Variants in SH3RF3 observed in about 807,000 individuals in gnomAD.
SH3RF3 encodes SH3 domain containing ring finger 3.
Under a neutral mutation model 66.3 loss-of-function variants are expected in SH3RF3, and 29 were observed. That is an observed-to-expected ratio of 0.44 (90% CI 0.33 to 0.60). SH3RF3 has a LOEUF of 0.60. Among genes scored for constraint, SH3RF3 ranks in the 20% least tolerant of loss-of-function variants. The probability of loss-of-function intolerance (pLI) is 0.04; values close to 1 mark genes in which losing one functional copy is unlikely to be tolerated. For synonymous variants in SH3RF3, 583 were observed against 532.0 expected (o/e 1.10, Z -1.32); for missense variants, 1,194 against 1,190.9 (o/e 1.00, Z -0.04).
rs746838034 is a variant in SH3RF3 at position 109,419,526 on chromosome 2, T to C, written c.1300-13T>C. ...CTGTCTCCTCACTCCTGTCCCCTCT[T>C]GTCTGTTTCCAGGATGTCTCCTCCT... is the stretch of plus-strand genomic sequence containing the variant. On this transcript the variant is annotated splice_polypyrimidine_tract_variant and intron_variant, in intron 4 of 9. Coordinates refer to ENST00000309415, the MANE Select transcript of SH3RF3 (RefSeq NM_001099289.3). 2.5e-6 allele frequency: 4 copies of C among 1,582,796 alleles called. 1 individual carries two copies. The South Asian group carries it at 4.6e-5, about 18-fold the overall frequency.
chr2:109,232,644 G>T (rs1286342165), intron 1 of SH3RF3, among the ~76,000 whole-genome samples: 1 of 152,162 alleles, frequency 6.6e-6, no homozygotes, highest in Admixed American at 6.5e-5. Context: ...CTGGAAAGGG[G>T]TGATTGATTA....
At chr2:109,252,467 T>C (rs998465896) in intron 1 of SH3RF3, among the ~76,000 whole-genome samples, 2 of 152,192 alleles carry the variant, frequency 1.3e-5, no homozygotes, top group Admixed American at 6.5e-5. Flanking sequence ...CAGTTTTAGC[T>C]TTATCATGGG....
chr2:109,421,493 G>A (rs1676877458), intron 5 of SH3RF3, among the ~76,000 whole-genome samples: 1 of 152,240 alleles, frequency 6.6e-6, no homozygotes, highest in Admixed American at 6.5e-5. Flanking sequence ...CCCCTCAAGA[G>A]TTGTGAATAT....
At chr2:109,367,119 ATTTTTTT>A (rs150005222) in intron 2 of SH3RF3, among the ~76,000 whole-genome samples, 4 of 113,290 alleles carry the variant, frequency 3.5e-5, no homozygotes, top group African/African-American at 1.0e-4. Flanking sequence ...TGCCCTGGTA[ATTTTTTT>A]TTTTTTTTTT....
In SH3RF3 at chr2:109,450,761, G is replaced by A. The variant is rs371128040; in HGVS notation, c.2148+1272G>A. 2.0e-5 allele frequency among the ~76,000 whole-genome samples: 3 copies of A among 152,202 alleles called. No homozygotes were observed. The East Asian group carries it at 5.8e-4, about 29-fold the overall frequency. ...CACTGCCTGAGGCTGTATCCCTAGGGCGTTGGGCTGGGTGCTGGGCAAGGA... is the reference window on the plus strand; with the variant it reads ...CACTGCCTGAGGCTGTATCCCTAGGACGTTGGGCTGGGTGCTGGGCAAGGA... On this transcript the variant is annotated intron_variant, in intron 8 of 9. Coordinates refer to ENST00000309415, the MANE Select transcript of SH3RF3 (RefSeq NM_001099289.3).
chr2:109,272,804 C>T (rs1223296538), intron 1 of SH3RF3, among the ~76,000 whole-genome samples: 3 of 152,174 alleles, frequency 2.0e-5, no homozygotes, highest in Non-Finnish European at 4.4e-5. Context: ...CCGGTACTGC[C>T]GCACACGCAG....
At chr2:109,138,985 A>G (rs7565363) in intron 1 of SH3RF3, among the ~76,000 whole-genome samples, 83,830 of 152,030 alleles carry the variant, frequency 0.55, 23,710 homozygotes, top group South Asian at 0.65. Flanking sequence ...AATAAGAGAC[A>G]TGAAGACAAG....
At chr2:109,478,127 G>C (rs914414224) in intron 8 of SH3RF3, among the ~76,000 whole-genome samples, 20 of 152,242 alleles carry the variant, frequency 1.3e-4, no homozygotes, top group African/African-American at 2.2e-4. Flanking sequence ...CAGCCGGAGA[G>C]GAGCTGCCTG....
chr2:109,140,737 C>T (rs192176502), intron 1 of SH3RF3, among the ~76,000 whole-genome samples: 77 of 152,252 alleles, frequency 5.1e-4, no homozygotes, highest in Non-Finnish European at 9.9e-4. Flanking sequence ...TGCAAAAGGC[C>T]TATGTGCTCT....
At chr2:109,497,679 C>T (rs1284449038) in intron 9 of SH3RF3, among the ~76,000 whole-genome samples, 1 of 152,186 alleles carries the variant, frequency 6.6e-6, no homozygotes, top group African/African-American at 2.4e-5. Context: ...AAGAACAGCT[C>T]AGAGTCTTGG....
intron 1 of SH3RF3, among the ~76,000 whole-genome samples, chr2:109,228,111 ATC>A (rs1271819458): frequency 6.6e-6 from 1 of 152,092 alleles, no homozygotes; most frequent in Non-Finnish European, 1.5e-5. Context: ...CATACAGGCA[ATC>A]TCTAATGGCT....
chr2:109,300,498 C>G (rs765533318), intron 1 of SH3RF3, among the ~76,000 whole-genome samples: 2 of 152,092 alleles, frequency 1.3e-5, no homozygotes, highest in African/African-American at 2.4e-5. Context: ...AGTTTTTATA[C>G]CAGGTAAGCC....
At chr2:109,418,170 T>A (rs1676774730) in intron 4 of SH3RF3, among the ~76,000 whole-genome samples, 1 of 152,092 alleles carries the variant, frequency 6.6e-6, no homozygotes. Context: ...TGCTCCAGTT[T>A]CTGCTGGGAC....
At chr2:109,146,663 TG>T (rs749972042) in intron 1 of SH3RF3, among the ~76,000 whole-genome samples, 3 of 152,272 alleles carry the variant, frequency 2.0e-5, no homozygotes, top group Admixed American at 1.3e-4. Context: ...GAGGCTGCTT[TG>T]GTCCCCAAAG....
chr2:109,272,552 T>C (rs1680651119), intron 1 of SH3RF3, among the ~76,000 whole-genome samples: 1 of 152,212 alleles, frequency 6.6e-6, no homozygotes, highest in South Asian at 2.1e-4. Context: ...TTGGTGATGA[T>C]GTCTACTTGG....
In SH3RF3 at chr2:109,252,325, GT is replaced by G. The variant is rs1680113080; in HGVS notation, c.574-95347del. On this transcript the variant is annotated intron_variant, in intron 1 of 9. Transcript: ENST00000309415. ...AGGCTTAATTTAGAAAGTTTACATTGTTCAACAGAAGCCGGGTTTATTTTTA... is the reference window on the plus strand; with the variant it reads ...AGGCTTAATTTAGAAAGTTTACATTGTCAACAGAAGCCGGGTTTATTTTTA... Among the ~76,000 whole-genome samples, 5 of 151,692 alleles carry G rather than the reference GT, an allele frequency of 3.3e-5. No homozygotes were observed. The South Asian group carries it at 6.2e-4, about 19-fold the overall frequency.
intron 8 of SH3RF3, among the ~76,000 whole-genome samples, chr2:109,450,440 C>T (rs1677835873): frequency 6.6e-6 from 1 of 152,162 alleles, no homozygotes; most frequent in South Asian, 2.1e-4. Context: ...GATGAGAATC[C>T]AGACTTCTAA....
chr2:109,318,880 T>G (rs1405971294), intron 1 of SH3RF3, among the ~76,000 whole-genome samples: 1 of 152,280 alleles, frequency 6.6e-6, no homozygotes, highest in Non-Finnish European at 1.5e-5. Flanking sequence ...CAAAGCCAGC[T>G]GGAATTCCTT....
intron 8 of SH3RF3, among the ~76,000 whole-genome samples, chr2:109,473,712 C>T (rs1678589448): frequency 6.6e-6 from 1 of 150,376 alleles, no homozygotes. Context: ...CCAGCTCACT[C>T]AGCCACCCAC....
Sources: allele counts gnomAD v4.1 joint callset (sites outside exome capture counted in the v4.1 genomes callset), GRCh38; gene constraint gnomAD v4.1.1; transcripts MANE v1.5; gene names NCBI Gene and HGNC (gene_info 2026-07-23, HGNC 2026-07-21).